Variants in UBE2E2 observed in about 807,000 individuals in gnomAD.
The protein encoded by UBE2E2 is ubiquitin-conjugating enzyme E2 E2.
A neutral mutation model predicts 24.7 loss-of-function variants in UBE2E2; 6 were observed. That is an observed-to-expected ratio of 0.24 (90% CI 0.13 to 0.48). The LOEUF (loss-of-function observed/expected upper bound fraction) is 0.48. Ranked by LOEUF, UBE2E2 falls within the 20% of genes least tolerant of loss-of-function variation. The pLI, the probability that UBE2E2 is intolerant of heterozygous loss-of-function variation, is 0.99. For missense variants in UBE2E2, 169 were observed against 245.0 expected (o/e 0.69, Z 2.07); for synonymous variants, 104 against 83.6 (o/e 1.24, Z -1.33).
At chr3:23,357,114 T>G (rs1207878954) in intron 3 of UBE2E2, among the ~76,000 whole-genome samples, 4 of 152,206 alleles carry the variant, frequency 2.6e-5, no homozygotes, top group African/African-American at 9.7e-5. Context: ...GCCAGAATAG[T>G]TGCATGGTCT....
chr3:23,515,329 C>A (rs1393654851), intron 4 of UBE2E2, among the ~76,000 whole-genome samples: 1 of 152,006 alleles, frequency 6.6e-6, no homozygotes, highest in Non-Finnish European at 1.5e-5. Context: ...CAGGTGTGCA[C>A]ACACATGTAA....
intron 3 of UBE2E2, among the ~76,000 whole-genome samples, chr3:23,411,488 A>T (rs748637003): frequency 1.3e-5 from 2 of 152,154 alleles, no homozygotes; most frequent in African/African-American, 2.4e-5. Flanking sequence ...TCTCAGGATA[A>T]TTCGAGACCT....
intron 3 of UBE2E2, among the ~76,000 whole-genome samples, chr3:23,342,324 C>G (rs75538693): frequency 7.8e-4 from 119 of 151,942 alleles, no homozygotes; most frequent in South Asian, 3.7e-3. Flanking sequence ...AGCTGGGACT[C>G]TAGGCACACA....
chr3:23,494,664 G>A (rs918526694), intron 3 of UBE2E2, among the ~76,000 whole-genome samples: 3 of 152,126 alleles, frequency 2.0e-5, no homozygotes, highest in Non-Finnish European at 4.4e-5. Flanking sequence ...TTTCTAAAAT[G>A]TTAGAAGAGT....
intron 3 of UBE2E2, among the ~76,000 whole-genome samples, chr3:23,456,831 G>T (rs1412407158): frequency 1.3e-5 from 2 of 152,210 alleles, no homozygotes; most frequent in Non-Finnish European, 2.9e-5. Context: ...CCCCTAACAA[G>T]AGGGTCAGCC....
intron 3 of UBE2E2, among the ~76,000 whole-genome samples, chr3:23,343,266 T>C (rs916452233): frequency 6.6e-6 from 1 of 151,378 alleles, no homozygotes; most frequent in Non-Finnish European, 1.5e-5. Context: ...AGACTGAATA[T>C]GTAGTATATT....
chr3:23,349,000 C>T (rs1251960727), intron 3 of UBE2E2, among the ~76,000 whole-genome samples: 2 of 152,128 alleles, frequency 1.3e-5, no homozygotes, highest in Admixed American at 6.5e-5. Flanking sequence ...ACCCCCCCAC[C>T]ACCTCCCCGC....
At chr3:23,381,419 T>A (rs934165973) in intron 3 of UBE2E2, among the ~76,000 whole-genome samples, 4 of 44,702 alleles carry the variant, frequency 8.9e-5, no homozygotes, top group Non-Finnish European at 1.7e-4. Context: ...TGGCATTAGT[T>A]TATGAAGTGT....
intron 3 of UBE2E2, among the ~76,000 whole-genome samples, chr3:23,295,121 AAC>A (rs1181241857): frequency 6.6e-6 from 1 of 152,166 alleles, no homozygotes; most frequent in Non-Finnish European, 1.5e-5. Flanking sequence ...CCTTTTCAAA[AAC>A]ACAGTGGAAT....
At chr3:23,521,976 G>GTAC (rs1694878240) in intron 4 of UBE2E2, among the ~76,000 whole-genome samples, 1 of 146,422 alleles carries the variant, frequency 6.8e-6, no homozygotes, top group Non-Finnish European at 1.5e-5. Flanking sequence ...GATTATTTGT[G>GTAC]TACCTGTTTA....
intron 3 of UBE2E2, among the ~76,000 whole-genome samples, chr3:23,379,253 T>G (rs1394275683): frequency 6.7e-6 from 1 of 150,306 alleles, no homozygotes; most frequent in Non-Finnish European, 1.5e-5. Context: ...TTTTATTTTT[T>G]TTTATTATAC....
At chr3:23,244,728 G>C (rs1018855124) in intron 3 of UBE2E2, among the ~76,000 whole-genome samples, 3 of 152,058 alleles carry the variant, frequency 2.0e-5, no homozygotes, top group Non-Finnish European at 4.4e-5. Context: ...TATTTCTGTT[G>C]CATTTTTATA....
At position 23,367,824 on chromosome 3, in the gene UBE2E2, C is replaced by T. The variant is rs192326617; in HGVS notation, c.228-131784C>T. The stretch of plus-strand genomic sequence containing the variant: ...AGCCCTCACTTTGTGGGATCTGAAA[C>T]TACCTCCAGTTAGGTAGTGTCAGAA... On this transcript the variant is annotated intron_variant, in intron 3 of 5. Transcript: ENST00000396703. Among the ~76,000 whole-genome samples the T allele has an allele frequency of 6.5e-4, 99 of 152,242 alleles. 5 individuals are homozygous for T. In the East Asian group the frequency reaches 0.016, roughly 24 times the overall value.
chr3:23,207,573 A>G (rs938548830), intron 1 of UBE2E2, among the ~76,000 whole-genome samples: 7 of 152,204 alleles, frequency 4.6e-5, no homozygotes, highest in Non-Finnish European at 1.0e-4. Context: ...CACAAAGGTT[A>G]CTTAAAACCA....
At chr3:23,355,299 C>T (rs999972282) in intron 3 of UBE2E2, among the ~76,000 whole-genome samples, 1 of 151,856 alleles carries the variant, frequency 6.6e-6, no homozygotes, top group African/African-American at 2.4e-5. Context: ...TTAATGGGTG[C>T]AGCACACCAG....
rs538997023 is a variant in UBE2E2 at position 23,231,351 on chromosome 3, C to G, written c.227+14039C>G. 3.9e-4 allele frequency among the ~76,000 whole-genome samples: 60 copies of G among 152,194 alleles called. 4 individuals are homozygous for G. The highest frequency in any genetic ancestry group is 1.4e-3 in the African/African-American group (57 of 41,516). The stretch of plus-strand genomic sequence containing the variant: ...CTTTTATTTCCTTCTTTCCTCAAAA[C>G]TTAGATTTGTAGGAAGAGGAGGCTA... On this transcript the variant is annotated intron_variant, in intron 3 of 5. Coordinates refer to ENST00000396703, the MANE Select transcript of UBE2E2 (RefSeq NM_152653.4).
chr3:23,353,560 A>G (rs965125353), intron 3 of UBE2E2, among the ~76,000 whole-genome samples: 11 of 152,322 alleles, frequency 7.2e-5, no homozygotes, highest in East Asian at 5.8e-4. Flanking sequence ...AAATCAATGT[A>G]CAAAAATCAC....
intron 5 of UBE2E2, among the ~76,000 whole-genome samples, chr3:23,588,228 G>C (rs1013051278): frequency 1.3e-5 from 2 of 151,918 alleles, no homozygotes; most frequent in Non-Finnish European, 2.9e-5. Flanking sequence ...ATTTTCCCTA[G>C]TGGATCCTCC....
At chr3:23,551,351 C>A (rs529208270) in intron 5 of UBE2E2, among the ~76,000 whole-genome samples, 82 of 152,300 alleles carry the variant, frequency 5.4e-4, no homozygotes, top group South Asian at 2.7e-3. Flanking sequence ...TAGTTCTTAA[C>A]TTCATGAAAT....
Sources: gnomAD v4.1 joint callset for allele counts (sites outside exome capture counted in the v4.1 genomes callset) on GRCh38, gnomAD v4.1.1 for gene constraint, MANE v1.5 for transcripts, NCBI Gene and HGNC (gene_info 2026-07-23, HGNC 2026-07-21) for gene names.